Variants in ADAMTS18 observed in about 807,000 individuals in gnomAD.
The protein encoded by ADAMTS18 is A disintegrin and metalloproteinase with thrombospondin motifs 18.
Under a neutral mutation model 165.9 loss-of-function variants are expected in ADAMTS18, and 157 were observed. The observed-to-expected ratio is 0.95, with a 90% CI of 0.83 to 1.08. The LOEUF is 1.08. Among genes scored for constraint, ADAMTS18 ranks in the 50% least tolerant of loss-of-function variants. The probability of loss-of-function intolerance (pLI) is 0.00; values close to 1 mark genes in which losing one functional copy is unlikely to be tolerated. For synonymous variants in ADAMTS18, 782 were observed against 578.2 expected, an observed-to-expected ratio of 1.35 and a Z score of -5.06; for missense variants, 2,040 against 1,534.0, an observed-to-expected ratio of 1.33 and a Z score of -5.51.
rs927765730 is a variant in ADAMTS18 at position 77,372,294 on chromosome 16, A to G, written c.496-4571T>C. 1.6e-4 allele frequency among the ~76,000 whole-genome samples: 25 copies of G among 152,240 alleles called. 1 individual carries two copies. Among genetic ancestry groups the G allele is most frequent in the African/African-American group, 6.0e-4 (25 of 41,468 alleles). On this transcript the variant is annotated intron_variant, in intron 3 of 22. Coordinates refer to ENST00000282849, the MANE Select transcript of ADAMTS18 (RefSeq NM_199355.4). ...TTTATTCAAAGGAAATGAACTCAGT[A>G]TGTTGAAGAGATATCTGCACTCCAG...
chr16:77,312,929 C>T (rs936853050), intron 16 of ADAMTS18, among the ~76,000 whole-genome samples: 1 of 152,164 alleles, frequency 6.6e-6, no homozygotes, highest in African/African-American at 2.4e-5. Context: ...TTTGACCCCG[C>T]AATCCCATTA....
chr16:77,418,195 C>G (rs541219210), intron 3 of ADAMTS18, among the ~76,000 whole-genome samples: 3 of 152,316 alleles, frequency 2.0e-5, no homozygotes, highest in Admixed American at 6.5e-5. Context: ...AGCCCACACA[C>G]ACCATTCATA....
chr16:77,434,585 G>C, intron 1 of ADAMTS18, 21 bp downstream of exon 1: 1 of 1,527,888 alleles, frequency 6.5e-7, no homozygotes. Flanking sequence ...CGCTCTCGGA[G>C]CTCCGCTCGG....
At chr16:77,322,305 C>A in intron 14 of ADAMTS18, 31 bp downstream of exon 14, 1 of 1,612,670 alleles carries the variant, frequency 6.2e-7, no homozygotes, top group South Asian at 1.1e-5. Context: ...CAAGCATGCT[C>A]ATACACTCCA....
intron 3 of ADAMTS18, among the ~76,000 whole-genome samples, chr16:77,410,557 A>C (rs2057448753): frequency 6.6e-6 from 1 of 152,174 alleles, no homozygotes; most frequent in Non-Finnish European, 1.5e-5. Flanking sequence ...CAAATGAGTA[A>C]ACTGAAGCCT....
In ADAMTS18 at chr16:77,396,161, A is replaced by G. The variant is rs137922877; in HGVS notation, c.496-28438T>C. ...AAGCTCTGTTACTAAATCATAATCT[A>G]TAACTGCCTATCATACTCCACCCAA... On this transcript the variant is annotated intron_variant, in intron 3 of 22. Coordinates refer to ENST00000282849, the MANE Select transcript of ADAMTS18 (RefSeq NM_199355.4). Among the ~76,000 whole-genome samples, 433 of 152,320 alleles carry G rather than the reference A, an allele frequency of 2.8e-3. 1 individual carries two copies. The highest frequency in any genetic ancestry group is 5.6e-3 in the Admixed American group (85 of 15,294).
chr16:77,411,678 T>A (rs1440002267), intron 3 of ADAMTS18, among the ~76,000 whole-genome samples: 1 of 28,098 alleles, frequency 3.6e-5, no homozygotes, highest in Non-Finnish European at 1.2e-4. Context: ...GTATCCAGAA[T>A]TTTTTTTTTT....
intron 10 of ADAMTS18, among the ~76,000 whole-genome samples, chr16:77,347,368 G>C (rs540442449): frequency 6.6e-6 from 1 of 152,238 alleles, no homozygotes; most frequent in Non-Finnish European, 1.5e-5. Flanking sequence ...TTTCTACATT[G>C]AAACAACTCG....
chr16:77,374,515 C>T (rs886895999), intron 3 of ADAMTS18, among the ~76,000 whole-genome samples: 2 of 152,096 alleles, frequency 1.3e-5, no homozygotes, highest in African/African-American at 4.8e-5. Flanking sequence ...TTTCAAGCTG[C>T]ATGCAGACCA....
At chr16:77,355,858 G>A (rs930431642) in intron 9 of ADAMTS18, 82 bp downstream of exon 9, 11 of 1,519,136 alleles carry the variant, frequency 7.2e-6, no homozygotes, top group Non-Finnish European at 1.8e-6. Flanking sequence ...TATTTCCACT[G>A]AGTATTCGTT....
Position 77,367,553 on chromosome 16 carries a change from C to A in ADAMTS18, c.666G>T (p.Arg222=). The A allele has an allele frequency of 6.2e-7, 1 of 1,614,216 alleles. No homozygotes were observed. Among genetic ancestry groups the A allele is most frequent in the South Asian group, 1.1e-5 (1 of 91,086 alleles). Residue 222 remains arginine, a synonymous_variant, in exon 4 of 23, where the codon CGG becomes CGT. Coordinates refer to ENST00000282849, the MANE Select transcript of ADAMTS18 (RefSeq NM_199355.4). The part of the protein sequence containing the change: ...QRYRGYPGSG[R]NYPGYSPSHI... ...GACTTGGGGAGTAACCAGGATAATTCCGGCCAGAGCCGGGGTAGCCACGGT... is the reference window on the plus strand; with the variant it reads ...GACTTGGGGAGTAACCAGGATAATTACGGCCAGAGCCGGGGTAGCCACGGT...
intron 11 of ADAMTS18, among the ~76,000 whole-genome samples, chr16:77,337,821 A>G (rs2056333297): frequency 6.6e-6 from 1 of 152,146 alleles, no homozygotes; most frequent in Non-Finnish European, 1.5e-5. Flanking sequence ...ACCTGCACAC[A>G]TTCACATGAA....
At chr16:77,420,091 T>A (rs1174443914) in intron 3 of ADAMTS18, among the ~76,000 whole-genome samples, 1 of 150,718 alleles carries the variant, frequency 6.6e-6, no homozygotes, top group African/African-American at 2.4e-5. Context: ...AGCCTTTTTT[T>A]CTTCCATCTC....
chr16:77,417,994 T>C (rs1258126058), intron 3 of ADAMTS18, among the ~76,000 whole-genome samples: 1 of 152,196 alleles, frequency 6.6e-6, no homozygotes, highest in African/African-American at 2.4e-5. Context: ...ATTTCAAATC[T>C]ACATCCACGT....
intron 12 of ADAMTS18, among the ~76,000 whole-genome samples, chr16:77,330,389 T>C (rs1381773978): frequency 6.6e-6 from 1 of 152,108 alleles, no homozygotes; most frequent in African/African-American, 2.4e-5. Context: ...AAATGAAAAA[T>C]GTCAAAGGAT....
chr16:77,337,804 C>T (rs1408679110), intron 11 of ADAMTS18, among the ~76,000 whole-genome samples: 1 of 152,088 alleles, frequency 6.6e-6, no homozygotes, highest in Non-Finnish European at 1.5e-5. Flanking sequence ...AAGGAATGTA[C>T]ACACAGACCT....
chr16:77,327,179 G>T (rs114022836), intron 12 of ADAMTS18, among the ~76,000 whole-genome samples: 11 of 152,046 alleles, frequency 7.2e-5, no homozygotes, highest in African/African-American at 2.7e-4. Flanking sequence ...TGTCTTTATG[G>T]TAGAACAATT....
chr16:77,402,792 T>C (rs954524862), intron 3 of ADAMTS18, among the ~76,000 whole-genome samples: 3 of 152,180 alleles, frequency 2.0e-5, no homozygotes, highest in African/African-American at 7.2e-5. Context: ...AAAATTATTC[T>C]AACTCTCTGC....
intron 3 of ADAMTS18, among the ~76,000 whole-genome samples, chr16:77,382,851 G>A (rs566477410): frequency 1.3e-5 from 2 of 152,216 alleles, no homozygotes; most frequent in East Asian, 3.9e-4. Context: ...TTTGCTGCTG[G>A]GTCTGCTAAT....
Sources: allele counts gnomAD v4.1 joint callset (sites outside exome capture counted in the v4.1 genomes callset), GRCh38; gene constraint gnomAD v4.1.1; transcripts MANE v1.5; gene names NCBI Gene and HGNC (gene_info 2026-07-23, HGNC 2026-07-21).